Variants in MARCHF1 observed in about 807,000 individuals in gnomAD.
MARCHF1 encodes the protein E3 ubiquitin-protein ligase MARCHF1.
MARCHF1 carries 40 observed loss-of-function variants against 54.2 expected under a neutral mutation model. That is an observed-to-expected ratio of 0.74 (90% CI 0.57 to 0.96). The LOEUF (loss-of-function observed/expected upper bound fraction) is 0.96, where lower values mean the gene tolerates loss of function less well. Ranked by LOEUF, MARCHF1 falls within the 40% of genes least tolerant of loss-of-function variation. MARCHF1 has a pLI of 0.00. For synonymous variants in MARCHF1, 236 were observed against 236.3 expected, an observed-to-expected ratio of 1.00 and a Z score of 0.01; for missense variants, 586 against 656.5, an observed-to-expected ratio of 0.89 and a Z score of 1.17.
At chr4:164,242,887 G>A (rs1190533205) in intron 1 of MARCHF1, among the ~76,000 whole-genome samples, 1 of 148,240 alleles carries the variant, frequency 6.7e-6, no homozygotes, top group Non-Finnish European at 1.5e-5. Flanking sequence ...AGCAATGGAA[G>A]ATGAAATGAA....
chr4:163,594,078 G>T (rs1183239322), intron 7 of MARCHF1, among the ~76,000 whole-genome samples: 1 of 152,150 alleles, frequency 6.6e-6, no homozygotes, highest in Admixed American at 6.6e-5. Context: ...GTCAAGTGCT[G>T]TTGTATGCAA....
intron 2 of MARCHF1, among the ~76,000 whole-genome samples, chr4:164,099,397 T>C (rs971773940): frequency 3.9e-5 from 6 of 152,228 alleles, no homozygotes; most frequent in Non-Finnish European, 7.4e-5. Context: ...TTTCATTTTC[T>C]ATAATTGTAC....
intron 4 of MARCHF1, among the ~76,000 whole-genome samples, chr4:163,838,529 T>G (rs1749254310): frequency 6.6e-6 from 1 of 152,058 alleles, no homozygotes; most frequent in Non-Finnish European, 1.5e-5. Flanking sequence ...ACGATCTAAG[T>G]ACATTTATCA....
intron 1 of MARCHF1, among the ~76,000 whole-genome samples, chr4:164,367,640 C>T (rs1203596259): frequency 6.6e-6 from 1 of 151,554 alleles, no homozygotes; most frequent in East Asian, 1.9e-4. Flanking sequence ...TCTTCCTTTT[C>T]CCCTTCTTTT....
intron 1 of MARCHF1, among the ~76,000 whole-genome samples, chr4:164,313,207 G>A (rs918939220): frequency 6.7e-6 from 1 of 149,758 alleles, no homozygotes; most frequent in African/African-American, 2.5e-5. Context: ...AAATCAGCCA[G>A]GGGTGGTGGC....
chr4:163,575,317 T>A (rs1292999193), intron 8 of MARCHF1, among the ~76,000 whole-genome samples: 1 of 152,180 alleles, frequency 6.6e-6, no homozygotes, highest in African/African-American at 2.4e-5. Flanking sequence ...GATGACCATA[T>A]GGTTTTTGTT....
At chr4:163,767,569 C>T (rs535478929) in intron 4 of MARCHF1, among the ~76,000 whole-genome samples, 2 of 152,218 alleles carry the variant, frequency 1.3e-5, no homozygotes, top group East Asian at 3.9e-4. Flanking sequence ...CTCCTGACCT[C>T]ATGATCCGCC....
At chr4:164,126,541 A>C (rs1756184076) in intron 1 of MARCHF1, among the ~76,000 whole-genome samples, 2 of 152,214 alleles carry the variant, frequency 1.3e-5, no homozygotes, top group Admixed American at 6.5e-5. Flanking sequence ...AAAATGTGGA[A>C]GTGGCTTTGG....
At chr4:164,140,931 G>A (rs1756517758) in intron 1 of MARCHF1, among the ~76,000 whole-genome samples, 1 of 152,160 alleles carries the variant, frequency 6.6e-6, no homozygotes, top group African/African-American at 2.4e-5. Context: ...GCTGCAGGAG[G>A]TCTCTAACAA....
chr4:163,733,491 C>A (rs1429442664), intron 4 of MARCHF1, among the ~76,000 whole-genome samples: 1 of 148,048 alleles, frequency 6.8e-6, no homozygotes, highest in Non-Finnish European at 1.5e-5. Context: ...TTTTAGGGTA[C>A]ATGTGCACAA....
In MARCHF1 at chr4:163,781,212, G is replaced by A. The variant is rs187678536; in HGVS notation, c.111+72809C>T. ...CTGAAAATACAAAAATTAGCCAGGC[G>A]TGGTGGCAGATGGCTGTAATCCCAG... is the stretch of plus-strand genomic sequence containing the variant. On this transcript the variant is annotated intron_variant, in intron 4 of 9. Transcript: ENST00000514618. 6.2e-4 allele frequency among the ~76,000 whole-genome samples: 94 copies of A among 152,226 alleles called. 1 individual carries two copies. The highest frequency in any genetic ancestry group is 2.2e-3 in the African/African-American group (90 of 41,530).
chr4:164,019,151 T>A (rs1231013922), intron 2 of MARCHF1, among the ~76,000 whole-genome samples: 2 of 152,124 alleles, frequency 1.3e-5, no homozygotes, highest in African/African-American at 4.8e-5. Flanking sequence ...GTTAGGGTAT[T>A]TGTCTTCCAA....
At chr4:163,986,365 C>T (rs936248391) in intron 3 of MARCHF1, among the ~76,000 whole-genome samples, 1 of 148,928 alleles carries the variant, frequency 6.7e-6, no homozygotes, top group African/African-American at 2.5e-5. Flanking sequence ...CCCGGGTTCA[C>T]GCCATTCTCC....
intron 1 of MARCHF1, among the ~76,000 whole-genome samples, chr4:164,143,804 T>A (rs1579569871): frequency 6.6e-6 from 1 of 152,110 alleles, no homozygotes; most frequent in African/African-American, 2.4e-5. Context: ...AATGACAGGA[T>A]CAAATTCACA....
At position 164,253,252 on chromosome 4, in the gene MARCHF1, A is replaced by G. The variant is rs539991119; in HGVS notation, c.-323+130618T>C. 3.9e-5 allele frequency among the ~76,000 whole-genome samples: 6 copies of G among 152,286 alleles called. No homozygotes were observed. In the East Asian group the frequency reaches 1.2e-3, roughly 29 times the overall value. On this transcript the variant is annotated intron_variant, in intron 1 of 9. Transcript: ENST00000514618. The stretch of plus-strand genomic sequence containing the variant: ...GTGGGAGAAGAATTTAAATTGAGAA[A>G]TCTTGAAATAGTTCAACTTCCACTC...
At chr4:164,148,728 C>A (rs1040277509) in intron 1 of MARCHF1, among the ~76,000 whole-genome samples, 1 of 152,046 alleles carries the variant, frequency 6.6e-6, no homozygotes, top group African/African-American at 2.4e-5. Context: ...ACCACTGTGC[C>A]ATTATAAATA....
At chr4:163,812,980 T>C (rs1748435459) in intron 4 of MARCHF1, among the ~76,000 whole-genome samples, 1 of 152,204 alleles carries the variant, frequency 6.6e-6, no homozygotes, top group Non-Finnish European at 1.5e-5. Context: ...ATGGTTCATG[T>C]CAGCTCAGAA....
intron 7 of MARCHF1, among the ~76,000 whole-genome samples, chr4:163,595,035 G>A (rs1007741450): frequency 1.3e-5 from 2 of 151,964 alleles, no homozygotes; most frequent in African/African-American, 2.4e-5. Flanking sequence ...GTGAAGCTAC[G>A]GAAACAACCT....
intron 5 of MARCHF1, among the ~76,000 whole-genome samples, chr4:163,618,058 G>T (rs1741570138): frequency 6.6e-6 from 1 of 152,152 alleles, no homozygotes; most frequent in Admixed American, 6.5e-5. Context: ...GAATCAGATA[G>T]CATTTATGTC....
Sources: allele counts gnomAD v4.1 joint callset (sites outside exome capture counted in the v4.1 genomes callset), GRCh38; gene constraint gnomAD v4.1.1; transcripts MANE v1.5; gene names NCBI Gene and HGNC (gene_info 2026-07-23, HGNC 2026-07-21).